The following ANK2 variants were observed in gnomAD, a reference collection of about 807,000 sequenced individuals.
ANK2 encodes ankyrin 2, also known as ankyrin-2.
A neutral mutation model predicts 360.5 loss-of-function variants in ANK2; 83 were observed. That is an observed-to-expected ratio of 0.23 (90% confidence interval 0.19 to 0.28). The LOEUF is 0.28. Ranked by LOEUF, ANK2 falls within the 10% of genes least tolerant of loss-of-function variation. The pLI is 1.00. For synonymous variants in ANK2, 1,740 were observed against 1,759.5 expected (o/e 0.99, Z 0.28); for missense variants, 4,201 against 4,795.7 (o/e 0.88, Z 3.66).
intron 1 of ANK2, among the ~76,000 whole-genome samples, chr4:112,878,611 C>A (rs1269794289): frequency 1.3e-5 from 2 of 152,150 alleles, no homozygotes; most frequent in African/African-American, 4.8e-5. Flanking sequence ...CAGGCGTGAG[C>A]CACTGTGCCC....
At chr4:113,313,788 C>CGGG (rs1563673294) in intron 24 of ANK2, 1 of 30,676 alleles carries the variant, frequency 3.3e-5, no homozygotes, top group African/African-American at 5.7e-5. Flanking sequence ...GTTGCCGGGG[C>CGGG]GGGGGGTGAG....
intron 1 of ANK2, chr4:112,826,400 A>T: frequency 9.8e-7 from 1 of 1,017,472 alleles, no homozygotes; most frequent in South Asian, 1.5e-5. Context: ...TCCCTGGAAC[A>T]GAAGTAACAC....
chr4:113,068,971 G>A (rs2076579166), intron 1 of ANK2, among the ~76,000 whole-genome samples: 1 of 152,144 alleles, frequency 6.6e-6, no homozygotes. Flanking sequence ...GCTGAAGTGG[G>A]AGGATTGCTT....
At chr4:113,377,406 C>A (rs537085536) in intron 45 of ANK2, among the ~76,000 whole-genome samples, 1 of 152,078 alleles carries the variant, frequency 6.6e-6, no homozygotes, top group African/African-American at 2.4e-5. Context: ...CCATTTTTAA[C>A]CAAAATGTCA....
At chr4:112,738,487 A>G in the ANK2 span, among the ~76,000 whole-genome samples, 4 of 151,800 alleles carry the variant, frequency 2.6e-5, no homozygotes, top group South Asian at 2.1e-4. Context: ...TAAGCAAGTG[A>G]TTTCAGTAGT....
At chr4:112,778,003 C>T in the ANK2 span, among the ~76,000 whole-genome samples, 1 of 144,006 alleles carries the variant, frequency 6.9e-6, no homozygotes, top group Non-Finnish European at 1.5e-5. Flanking sequence ...GAGTTTTGCT[C>T]TTGTCATGCA....
intron 1 of ANK2, among the ~76,000 whole-genome samples, chr4:113,139,879 T>G (rs114205398): frequency 0.01 from 1,570 of 152,336 alleles, 26 homozygotes; most frequent in African/African-American, 0.035. Flanking sequence ...AATTGGTTAA[T>G]TGATGTTTGT....
chr4:112,850,331 G>GTCCGTCCATCCATCCA (rs1553943579), intron 1 of ANK2, among the ~76,000 whole-genome samples: 2 of 143,016 alleles, frequency 1.4e-5, no homozygotes, highest in South Asian at 4.6e-4. Context: ...CCATTCATCT[G>GTCCGTCCATCCATCCA]TCCATCCATC....
the ANK2 span, among the ~76,000 whole-genome samples, chr4:112,710,828 C>T: frequency 6.6e-6 from 1 of 150,920 alleles, no homozygotes; most frequent in African/African-American, 2.4e-5. Context: ...GGGAGCTCCT[C>T]AATTATTTGT....
intron 5 of ANK2, among the ~76,000 whole-genome samples, chr4:113,233,066 C>G (rs896589717): frequency 1.4e-5 from 2 of 142,118 alleles, no homozygotes; most frequent in African/African-American, 5.3e-5. Flanking sequence ...CATGCCTCTT[C>G]TCACCTGTTT....
chr4:113,169,693 A>G (rs1157658173), intron 1 of ANK2, among the ~76,000 whole-genome samples: 1 of 152,158 alleles, frequency 6.6e-6, no homozygotes. Context: ...TGAATAGTCT[A>G]TTGATTTCTT....
chr4:112,832,199 G>A (rs1482815418), intron 1 of ANK2, among the ~76,000 whole-genome samples: 1 of 152,170 alleles, frequency 6.6e-6, no homozygotes, highest in African/African-American at 2.4e-5. Flanking sequence ...CTACAGGCGT[G>A]AGCCACCAAC....
chr4:113,153,251 C>T (rs1313914385), intron 1 of ANK2, among the ~76,000 whole-genome samples: 2 of 152,108 alleles, frequency 1.3e-5, no homozygotes, highest in South Asian at 4.1e-4. Flanking sequence ...GGATCTCTCA[C>T]AAGTCACAAA....
chr4:113,097,301 G>A (rs976653363), intron 1 of ANK2, among the ~76,000 whole-genome samples: 17 of 151,774 alleles, frequency 1.1e-4, no homozygotes, highest in African/African-American at 3.9e-4. Context: ...CTGTGCTAGA[G>A]TTAAGTTAAT....
intron 1 of ANK2, among the ~76,000 whole-genome samples, chr4:113,142,221 T>G (rs181813863): frequency 1.1e-3 from 166 of 152,298 alleles, no homozygotes; most frequent in African/African-American, 3.6e-3. Context: ...TTCCTTCAGT[T>G]TGACAAAATG....
chr4:112,783,941 G>A, the ANK2 span, among the ~76,000 whole-genome samples: 2 of 151,876 alleles, frequency 1.3e-5, no homozygotes, highest in East Asian at 1.9e-4. Context: ...GAGCCACCGC[G>A]CCTGGCTTAT....
At chr4:112,798,984 C>A in the ANK2 span, among the ~76,000 whole-genome samples, 1 of 152,182 alleles carries the variant, frequency 6.6e-6, no homozygotes, top group African/African-American at 2.4e-5. Flanking sequence ...AATTCCCTAT[C>A]CCCCAGTCCC....
intron 2 of ANK2, among the ~76,000 whole-genome samples, chr4:112,916,599 G>C (rs533580836): frequency 1.4e-4 from 22 of 152,298 alleles, no homozygotes; most frequent in Non-Finnish European, 3.2e-4. Flanking sequence ...GCGAGTAAAA[G>C]TGTCAACTTT....
chr4:112,957,687 G>C (rs1255961405), intron 2 of ANK2, among the ~76,000 whole-genome samples: 2 of 148,148 alleles, frequency 1.3e-5, no homozygotes, highest in Non-Finnish European at 3.0e-5. Flanking sequence ...CTGGCTGGGC[G>C]GGGGGCTGAC....
Sources: allele counts gnomAD v4.1 joint callset (sites outside exome capture counted in the v4.1 genomes callset), GRCh38; gene constraint gnomAD v4.1.1; transcripts MANE v1.5; gene names NCBI Gene and HGNC (gene_info 2026-07-23, HGNC 2026-07-21).